PHF21A: variants seen among roughly 807,000 people sequenced by gnomAD.
The protein encoded by PHF21A is PHD finger protein 21A.
PHF21A carries 11 observed loss-of-function variants against 82.5 expected under a neutral mutation model. That is an observed-to-expected ratio of 0.13 (90% CI 0.08 to 0.22). The LOEUF is 0.22. PHF21A is among the 10% of genes least tolerant of loss of function. The pLI is 1.00. For synonymous variants in PHF21A, 297 were observed against 302.8 expected (o/e 0.98, Z 0.20); for missense variants, 579 against 837.8 (o/e 0.69, Z 3.81).
chr11:46,018,237 G>A (rs1054260003), intron 6 of PHF21A, among the ~76,000 whole-genome samples: 28 of 141,844 alleles, frequency 2.0e-4, no homozygotes, highest in Non-Finnish European at 3.5e-4. Flanking sequence ...GCGACAGAGC[G>A]AGACTCCGTC....
In PHF21A at chr11:46,114,448, A is replaced by G. The variant is rs1189740101; in HGVS notation, c.-237+6487T>C. Among the ~76,000 whole-genome samples, 3 of 152,358 alleles carry G rather than the reference A, an allele frequency of 2.0e-5. No homozygotes were observed. In the South Asian group the frequency reaches 6.2e-4, roughly 32 times the overall value. On this transcript the variant is annotated intron_variant, in intron 1 of 18. Transcript: ENST00000676320. ...TAGTCCAAGAAATTCCTAACAAGGA[A>G]AGATAAGCTGGCACACAAATTTAAC...
At chr11:45,970,724 C>G (rs1042108416) in intron 8 of PHF21A, 5 of 165,514 alleles carry the variant, frequency 3.0e-5, no homozygotes, top group African/African-American at 1.2e-4. Context: ...AAAGAATTAT[C>G]AGGGAGTTTT....
intron 1 of PHF21A, chr11:46,118,949 A>G (rs1433238976): frequency 6.6e-6 from 1 of 152,186 alleles, no homozygotes; most frequent in East Asian, 1.9e-4. Context: ...GTACGCTTAC[A>G]TGGTTTAGCC....
At chr11:46,009,505 C>T (rs962070452) in intron 6 of PHF21A, among the ~76,000 whole-genome samples, 47 of 152,138 alleles carry the variant, frequency 3.1e-4, no homozygotes, top group African/African-American at 1.1e-3. Flanking sequence ...ATAGCAGCTG[C>T]ACACATTTAT....
At chr11:46,041,133 C>G (rs900149715) in intron 6 of PHF21A, among the ~76,000 whole-genome samples, 1 of 152,058 alleles carries the variant, frequency 6.6e-6, no homozygotes, top group African/African-American at 2.4e-5. Context: ...AAAAATCCAC[C>G]TTCTTATTCT....
chr11:45,934,548 T>TAAA (rs371707698), intron 18 of PHF21A: 11 of 213,980 alleles, frequency 5.1e-5, no homozygotes, highest in African/African-American at 1.7e-4. Context: ...AAAGGTTGTT[T>TAAA]AAAAAAAAAA....
intron 6 of PHF21A, among the ~76,000 whole-genome samples, chr11:46,028,424 C>A (rs143175909): frequency 6.6e-6 from 1 of 152,144 alleles, no homozygotes; most frequent in African/African-American, 2.4e-5. Flanking sequence ...ATATTACTTT[C>A]ATAATTAGAA....
intron 6 of PHF21A, among the ~76,000 whole-genome samples, chr11:45,981,940 C>CTTTTTT (rs754937092): frequency 1.3e-5 from 1 of 78,278 alleles, no homozygotes; most frequent in African/African-American, 4.9e-5. Context: ...TTTTGTTTTT[C>CTTTTTT]TTTTTTTTTT....
chr11:46,112,155 TG>T (rs2097221582), intron 1 of PHF21A, among the ~76,000 whole-genome samples: 1 of 152,164 alleles, frequency 6.6e-6, no homozygotes, highest in African/African-American at 2.4e-5. Flanking sequence ...ATAGTCCTTT[TG>T]GGGGCATACA....
At chr11:46,041,339 G>T (rs1465472419) in intron 6 of PHF21A, among the ~76,000 whole-genome samples, 1 of 152,148 alleles carries the variant, frequency 6.6e-6, no homozygotes, top group Non-Finnish European at 1.5e-5. Flanking sequence ...GATGTTCAAG[G>T]AAATTACTAT....
In PHF21A at chr11:45,933,039, G is replaced by C. The variant is rs1166106016; in HGVS notation, c.*929C>G. 6.6e-6 allele frequency: 1 copy of C among 152,642 alleles called. No homozygotes were observed. Among genetic ancestry groups the C allele is most frequent in the Non-Finnish European group, 1.5e-5 (1 of 68,038 alleles). The allele number at this position is 152,642 out of a possible 1,614,324, so 9.5% of individuals were successfully genotyped here. ...CAATTCACACACACCTGGGTCGCGT[G>C]CTGCTTCACTCAAGATCTTCTCTTC... On this transcript the variant is annotated 3_prime_UTR_variant, in exon 19 of 19. Transcript: ENST00000676320.
chr11:46,022,341 G>A, intron 6 of PHF21A, among the ~76,000 whole-genome samples: 1 of 152,136 alleles, frequency 6.6e-6, no homozygotes. Flanking sequence ...TGTAGTCCCA[G>A]TTACTCAGGA....
intron 5 of PHF21A, among the ~76,000 whole-genome samples, chr11:46,078,594 G>A (rs2096755555): frequency 6.6e-6 from 1 of 152,104 alleles, no homozygotes; most frequent in African/African-American, 2.4e-5. Flanking sequence ...TAATTTTTCT[G>A]TTAGAAAGTA....
intron 3 of PHF21A, among the ~76,000 whole-genome samples, chr11:46,089,251 C>A (rs1008392301): frequency 2.6e-5 from 4 of 152,104 alleles, no homozygotes; most frequent in African/African-American, 7.2e-5. Context: ...ATTTGAATAT[C>A]AGGTTTCAAT....
chr11:45,935,222 C>T (rs1299392181), intron 18 of PHF21A: 37 of 1,293,644 alleles, frequency 2.9e-5, no homozygotes, highest in South Asian at 4.9e-5. Context: ...GAGGGCCGTA[C>T]GGATGGGCCC....
chr11:46,069,625 CA>C (rs1480718085), intron 6 of PHF21A, among the ~76,000 whole-genome samples: 12 of 152,022 alleles, frequency 7.9e-5, no homozygotes, highest in Admixed American at 7.9e-4. Flanking sequence ...TGTCCTATTT[CA>C]AAAAATATTT....
intron 6 of PHF21A, among the ~76,000 whole-genome samples, chr11:45,981,940 C>CTTTTTTTTTTTTTTTTTT (rs754937092): frequency 2.0e-4 from 16 of 78,270 alleles, no homozygotes; most frequent in South Asian, 5.4e-4. Flanking sequence ...TTTTGTTTTT[C>CTTTTTTTTTTTTTTTTTT]TTTTTTTTTT....
intron 1 of PHF21A, among the ~76,000 whole-genome samples, chr11:46,114,617 C>A (rs1464241639): frequency 6.6e-6 from 1 of 152,138 alleles, no homozygotes; most frequent in Non-Finnish European, 1.5e-5. Flanking sequence ...TTACTATACC[C>A]ACTTTTATCA....
chr11:46,120,135 TCACACA>T (rs911282519), intron 1 of PHF21A, among the ~76,000 whole-genome samples: 2 of 146,904 alleles, frequency 1.4e-5, no homozygotes, highest in Non-Finnish European at 1.5e-5. Flanking sequence ...ACACTCACAC[TCACACA>T]CACACAAACA....
Sources: gnomAD v4.1 joint callset for allele counts (sites outside exome capture counted in the v4.1 genomes callset) on GRCh38, gnomAD v4.1.1 for gene constraint, MANE v1.5 for transcripts, NCBI Gene and HGNC (gene_info 2026-07-23, HGNC 2026-07-21) for gene names.